Variants in EEF1A2 observed in about 807,000 individuals in gnomAD.
The protein encoded by EEF1A2 is elongation factor 1-alpha 2.
A neutral mutation model predicts 39.3 loss-of-function variants in EEF1A2; 5 were observed. The observed-to-expected ratio is 0.13, with a 90% CI of 0.07 to 0.27. EEF1A2 has a LOEUF of 0.27. Among genes scored for constraint, EEF1A2 ranks in the 10% least tolerant of loss-of-function variants. EEF1A2 has a pLI of 1.00. For missense variants in EEF1A2, 218 were observed against 681.4 expected, an observed-to-expected ratio of 0.32 and a Z score of 7.57; for synonymous variants, 287 against 293.7, an observed-to-expected ratio of 0.98 and a Z score of 0.23.
rs779441972 is a variant in EEF1A2 at position 63,490,546 on chromosome 20, C to T, written c.962G>A (p.Arg321Gln). 6.2e-7 allele frequency: 1 copy of T among 1,612,764 alleles called. No homozygotes were observed. Residue 321 changes from arginine to glutamine, a missense_variant, in exon 6 of 8, where the codon CGG (arginine) becomes CAG (glutamine). Physicochemically the swap from Arg to Gln is conservative, Grantham distance 43. Around this residue, in one of 4 missense-constraint regions of EEF1A2, gnomAD observed 80 missense variants for 295.9 expected, o/e 0.27. Coordinates refer to ENST00000217182, the MANE Select transcript of EEF1A2 (RefSeq NM_001958.5). ...NVKNVSVKDI[R>Q]RGNVCGDSKS... The stretch of plus-strand genomic sequence containing the variant: ...GCTGTCCCCACACACGTTGCCCCGC[C>T]GGATGTCCTTCACCGACACGTTCTT...
chr20:63,496,066 G>C, intron 2 of EEF1A2, 31 bp from the exon 3 acceptor site: 1 of 1,608,800 alleles, frequency 6.2e-7, no homozygotes, highest in Non-Finnish European at 8.5e-7. Flanking sequence ...GGCTGAGGGC[G>C]GGACCCGGGA....
chr20:63,497,798 G>A lies in EEF1A2; in HGVS notation c.-35C>T. 2 of 1,601,588 alleles carry A rather than the reference G, an allele frequency of 1.2e-6. No homozygotes were observed. The highest frequency in any genetic ancestry group is 1.7e-6 in the Non-Finnish European group (2 of 1,173,438). ...AGTGTGAGGGGCTGGCGGGACCCGG[G>A]GTGCTCTGGCTCAGGGCGAGGGGGG... On this transcript the variant is annotated 5_prime_UTR_variant, in exon 2 of 8. Transcript: ENST00000217182. The surrounding 1 kb of genome is among the most constrained non-coding windows in gnomAD (Gnocchi z 7.3).
chr20:63,495,794 C>A, intron 3 of EEF1A2, 62 bp downstream of exon 3: 1 of 1,579,582 alleles, frequency 6.3e-7, no homozygotes, highest in Non-Finnish European at 8.6e-7. Context: ...CCAGGGGCCC[C>A]CAGTGTCCCT....
chr20:63,489,171 G>A lies in EEF1A2; in HGVS notation c.1030-19C>T, dbSNP rs763736871. The A allele has an allele frequency of 1.9e-6, 3 of 1,608,440 alleles. No individual in the cohort carries two copies. The highest frequency in any genetic ancestry group is 2.5e-6 in the Non-Finnish European group (3 of 1,177,152). ...TGATGACCTGCGAGCGGAGCCACAGGCGGCCATCAGGCACATCGGCGGTGG... is the reference window on the plus strand; with the variant it reads ...TGATGACCTGCGAGCGGAGCCACAGACGGCCATCAGGCACATCGGCGGTGG... On this transcript the variant is annotated intron_variant, in intron 6 of 7. Transcript: ENST00000217182.
At position 63,488,391 on chromosome 20, in the gene EEF1A2, C is replaced by T; in HGVS notation, c.1299G>A (p.Val433=). ...RFAVRDMRQT[V]AVGVIKNVEK... is the part of the protein sequence containing the mutation. ...CCACGTTCTTGATGACGCCTACGGC[C>T]ACCGTCTGCCTCATGTCGCGCACGG... Residue 433 remains valine (V), a synonymous_variant, in exon 8 of 8, where the codon GTG becomes GTA. Coordinates refer to ENST00000217182, the MANE Select transcript of EEF1A2 (RefSeq NM_001958.5). The T allele has an allele frequency of 6.8e-7, 1 of 1,479,184 alleles. No homozygotes were observed. Among genetic ancestry groups the T allele is most frequent in the Middle Eastern group, 1.9e-4 (1 of 5,360 alleles). The allele number at this position is 1,479,184 out of a possible 1,614,324, so 91.6% of individuals were successfully genotyped here.
At chr20:63,492,887 T>C (rs931948036) in intron 5 of EEF1A2, among the ~76,000 whole-genome samples, 105 of 141,430 alleles carry the variant, frequency 7.4e-4, no homozygotes, top group Non-Finnish European at 2.1e-4. Context: ...GATGGATCGA[T>C]GGATGGATGG....
At chr20:63,491,423 GT>G (rs1373891722) in intron 5 of EEF1A2, among the ~76,000 whole-genome samples, 1 of 152,240 alleles carries the variant, frequency 6.6e-6, no homozygotes, top group African/African-American at 2.4e-5. Context: ...TCCCAGGGCT[GT>G]GAGGGAGGCC....
intron 3 of EEF1A2, 106 bp from the exon 4 acceptor site, chr20:63,495,207 C>A (rs2082411427): frequency 6.8e-7 from 1 of 1,460,018 alleles, no homozygotes; most frequent in Non-Finnish European, 9.1e-7. Context: ...CGGGCTGGGG[C>A]CTGAGCAGCC....
intron 4 of EEF1A2, among the ~76,000 whole-genome samples, chr20:63,493,684 G>C (rs529115126): frequency 1.3e-5 from 2 of 152,330 alleles, no homozygotes; most frequent in Admixed American, 6.5e-5. Context: ...GACAGAGCTG[G>C]AGGAGCCTCG....
Position 63,498,021 on chromosome 20 carries a change from C to T in EEF1A2, c.-71-187G>A, listed in dbSNP as rs2082426107. 7.0e-6 allele frequency: 3 copies of T among 431,642 alleles called. No homozygotes were observed. The highest frequency in any genetic ancestry group is 3.7e-5 in the South Asian group (1 of 26,966). 26.7% of individuals were successfully genotyped at this position (431,642 alleles called of 1,614,324 possible). On this transcript the variant is annotated intron_variant, in intron 1 of 7. Coordinates refer to ENST00000217182, the MANE Select transcript of EEF1A2 (RefSeq NM_001958.5). This position sits in a 1 kb window ranked among gnomAD's most constrained non-coding sequence, Gnocchi z 4.1. ...CAGGGCAAGCAGAGGCTGTGCACTG[C>T]CCCCACCCCACACTTGAGCCCAAAC...
In EEF1A2 at chr20:63,494,831, C is replaced by T; in HGVS notation, c.595G>A (p.Asp199Asn). 6.2e-7 allele frequency: 1 copy of T among 1,611,964 alleles called. No homozygotes were observed. The highest frequency in any genetic ancestry group is 8.5e-7 in the Non-Finnish European group (1 of 1,179,532). Residue 199 changes from aspartate to asparagine, a missense_variant, in exon 4 of 8, where the codon GAC (aspartate) becomes AAC (asparagine). Transcript: ENST00000217182. The stretch of plus-strand genomic sequence containing the variant: ...TTGGGGGAGGGCTCCAGCATGTTGT[C>T]ACCGTGCCAGCCGGAGATGGGCACA... ...PFVPISGWHG[D>N]NMLEPSPNMP...
At position 63,493,150 on chromosome 20, in the gene EEF1A2, C is replaced by A. The variant is rs372796244; in HGVS notation, c.759G>T (p.Val253=). Residue 253 remains valine (V), a synonymous_variant, in exon 5 of 8, where the codon GTG becomes GTT. Coordinates refer to ENST00000217182, the MANE Select transcript of EEF1A2 (RefSeq NM_001958.5). The part of the protein sequence containing the change: ...DKPLRLPLQD[V]YKIGGIGTVP... ...GCCCTTGCTCACCGCCAATCTTGTA[C>A]ACGTCCTGCAGCGGCAGGCGCAGGG... 12 of 1,548,388 alleles carry A rather than the reference C, an allele frequency of 7.8e-6. No homozygotes were observed. Among genetic ancestry groups the A allele is most frequent in the South Asian group, 1.2e-5 (1 of 83,898 alleles).
intron 7 of EEF1A2, 43 bp from the exon 8 acceptor site, chr20:63,488,468 G>A: frequency 1.5e-6 from 2 of 1,373,284 alleles, no homozygotes; most frequent in Admixed American, 3.2e-5. Flanking sequence ...CGGAGGACTT[G>A]ACCCCCCCCA....
intron 7 of EEF1A2, 146 bp from the exon 8 acceptor site, chr20:63,488,571 G>A: frequency 1.7e-6 from 2 of 1,148,590 alleles, no homozygotes; most frequent in Non-Finnish European, 2.3e-6. Flanking sequence ...AAGACGGCCG[G>A]CCTCGCGGGA....
Position 63,488,541 on chromosome 20 carries a change from G to A in EEF1A2, c.1265-116C>T, listed in dbSNP as rs964491456. 49 of 1,278,666 alleles carry A rather than the reference G, an allele frequency of 3.8e-5. No individual in the cohort carries two copies. In the Middle Eastern group the frequency reaches 8.8e-4, roughly 23 times the overall value. 79.2% of individuals were successfully genotyped at this position (1,278,666 alleles called of 1,614,324 possible). On this transcript the variant is annotated intron_variant, in intron 7 of 7. Coordinates refer to ENST00000217182, the MANE Select transcript of EEF1A2 (RefSeq NM_001958.5). The stretch of plus-strand genomic sequence containing the variant: ...CGGGAATGTCCTCGGAACACGCTTA[G>A]CGCAGAGCGCGCCCCTGTGAAGACG...
At position 63,488,427 on chromosome 20, in the gene EEF1A2, T is replaced by C. The variant is rs1600901656; in HGVS notation, c.1265-2A>G. The C allele has an allele frequency of 7.0e-7, 1 of 1,430,194 alleles. No homozygotes were observed. The highest frequency in any genetic ancestry group is 1.4e-5 in the South Asian group (1 of 72,882). 88.6% of individuals were successfully genotyped at this position (1,430,194 alleles called of 1,614,324 possible). A position where few individuals can be genotyped will look rare whatever the true frequency, so the allele number is the denominator to read the frequency against. On this transcript the variant is annotated splice_acceptor_variant, in intron 7 of 7. Coordinates refer to ENST00000217182, the MANE Select transcript of EEF1A2 (RefSeq NM_001958.5). LOFTEE classifies it high-confidence loss of function. ...TCATGTCGCGCACGGCGAAGCGGCCTGGGGGGCGGGGGGCGGCGTGTGGGC... is the reference window on the plus strand; with the variant it reads ...TCATGTCGCGCACGGCGAAGCGGCCCGGGGGGCGGGGGGCGGCGTGTGGGC...
At chr20:63,489,590 C>G (rs926147103) in intron 6 of EEF1A2, among the ~76,000 whole-genome samples, 1 of 152,118 alleles carries the variant, frequency 6.6e-6, no homozygotes, top group African/African-American at 2.4e-5. Flanking sequence ...CGAGACCGGC[C>G]TGGCCAACAT....
intron 5 of EEF1A2, among the ~76,000 whole-genome samples, chr20:63,491,803 T>C (rs1329921681): frequency 6.2e-5 from 9 of 145,568 alleles, no homozygotes; most frequent in African/African-American, 2.1e-4. Flanking sequence ...AGGAGGTAGA[T>C]GAGTGGATGG....
intron 5 of EEF1A2, 29 bp from the exon 6 acceptor site, chr20:63,490,764 G>A (rs1174640465): frequency 6.3e-7 from 1 of 1,578,698 alleles, no homozygotes; most frequent in Non-Finnish European, 8.6e-7. Flanking sequence ...GTGAGGGGAA[G>A]GTGGGGCCCG....
Sources: allele counts gnomAD v4.1 joint callset (sites outside exome capture counted in the v4.1 genomes callset), GRCh38; gene constraint gnomAD v4.1.1; regional missense constraint gnomAD v4.1.1; non-coding constraint Gnocchi (gnomAD v3.1); transcripts MANE v1.5; gene names NCBI Gene and HGNC (gene_info 2026-07-23, HGNC 2026-07-21).